ABCC8: variants seen among roughly 807,000 people sequenced by gnomAD.
ABCC8 encodes the protein ATP binding cassette subfamily C member 8.
ABCC8 carries 137 observed loss-of-function variants against 188.0 expected under a neutral mutation model. The ratio of observed to expected loss-of-function variants is 0.73; its 90% CI spans 0.63 to 0.84. The LOEUF (loss-of-function observed/expected upper bound fraction) is 0.84, where lower values mean the gene tolerates loss of function less well. Among genes scored for constraint, ABCC8 ranks in the 40% least tolerant of loss-of-function variants. The probability of loss-of-function intolerance (pLI) is 0.00; values close to 1 mark genes in which losing one functional copy is unlikely to be tolerated. For synonymous variants in ABCC8, 797 were observed against 846.5 expected (o/e 0.94, Z 1.01); for missense variants, 1,750 against 2,072.7 (o/e 0.84, Z 3.02).
chr11:17,396,101 G>A, intron 33 of ABCC8, 171 bp from the exon 34 acceptor site: 4 of 1,438,722 alleles, frequency 2.8e-6, no homozygotes, highest in Non-Finnish European at 3.7e-6. Flanking sequence ...GTTTCCTGCA[G>A]TGGGTCCAGA....
At chr11:17,432,085 G>A (rs1278311216) in intron 11 of ABCC8, 119 bp downstream of exon 11, 1 of 1,340,224 alleles carries the variant, frequency 7.5e-7, no homozygotes. Context: ...TTTTCAGTCT[G>A]GCTGTGGAGC....
intron 11 of ABCC8, 42 bp downstream of exon 11, chr11:17,432,162 C>G (rs1486735023): frequency 2.6e-6 from 4 of 1,551,448 alleles, no homozygotes; most frequent in Admixed American, 2.0e-5. Context: ...ACGCCCTCCC[C>G]CTCCACCCTA....
At chr11:17,460,346 T>G in intron 6 of ABCC8, 142 bp downstream of exon 6, 1 of 1,306,268 alleles carries the variant, frequency 7.7e-7, no homozygotes, top group Non-Finnish European at 1.1e-6. Context: ...TATTCTGTGG[T>G]GGGGATACTG....
At chr11:17,436,195 C>T in intron 10 of ABCC8, 1 of 706,960 alleles carries the variant, frequency 1.4e-6, no homozygotes, top group South Asian at 1.4e-5. Flanking sequence ...GGGTTCTGGT[C>T]TGGATGGAAG....
chr11:17,393,763 C>T lies in ABCC8; in HGVS notation c.4546-4G>A, dbSNP rs770984647. On this transcript the variant is annotated splice_region_variant and splice_polypyrimidine_tract_variant and intron_variant, in intron 37 of 38. Transcript: ENST00000389817. ...CCACCTTTTGGAGGATGTTTTCCTG[C>T]CAAGTGGGGGCAACAGCTGTTGGCT... The T allele has an allele frequency of 2.0e-5, 32 of 1,613,980 alleles. No individual in the cohort carries two copies. The East Asian group carries it at 6.2e-4, about 31-fold the overall frequency.
At position 17,427,593 on chromosome 11, in the gene ABCC8, A is replaced by G. The variant is rs376706487; in HGVS notation, c.2116+274T>C. Among the ~76,000 whole-genome samples the G allele has an allele frequency of 4.5e-4, 68 of 152,188 alleles. No homozygotes were observed. The Middle Eastern group carries it at 0.014, about 30-fold the overall frequency. Reference sequence around the variant, plus strand: ...TCACTTCCACTTGCGTTCCTTGGCTACCCACTTCTGATCTTTTTGTGCATT... The same window carrying G: ...TCACTTCCACTTGCGTTCCTTGGCTGCCCACTTCTGATCTTTTTGTGCATT... On this transcript the variant is annotated intron_variant, in intron 15 of 38. Coordinates refer to ENST00000389817, the MANE Select transcript of ABCC8 (RefSeq NM_000352.6). This position sits in a 1 kb window ranked among gnomAD's most constrained non-coding sequence, Gnocchi z 5.0.
At chr11:17,476,554 G>T in intron 1 of ABCC8, 75 bp downstream of exon 1, 3 of 1,539,888 alleles carry the variant, frequency 1.9e-6, no homozygotes, top group Admixed American at 3.8e-5. Flanking sequence ...GACGCCGAGC[G>T]GTGCGGCGCG....
intron 38 of ABCC8, 51 bp downstream of exon 38, chr11:17,393,646 G>T: frequency 6.2e-7 from 1 of 1,612,598 alleles, no homozygotes; most frequent in Non-Finnish European, 8.5e-7. Flanking sequence ...GCCACAACAG[G>T]CCAGTCCTGT....
chr11:17,471,805 T>C (rs1056511994), intron 2 of ABCC8, among the ~76,000 whole-genome samples: 1 of 152,198 alleles, frequency 6.6e-6, no homozygotes, highest in African/African-American at 2.4e-5. Context: ...AAAACATCAA[T>C]AAGCATCAAA....
chr11:17,434,980 T>C (rs1049173269), intron 10 of ABCC8, among the ~76,000 whole-genome samples: 1 of 124,346 alleles, frequency 8.0e-6, no homozygotes. Flanking sequence ...GCTGCGTGTG[T>C]TCGCGTGTGT....
downstream of ABCC8, chr11:17,392,688 A>G (rs1953691930): frequency 2.3e-6 from 1 of 427,372 alleles, no homozygotes; most frequent in Non-Finnish European, 4.4e-6. Context: ...CAGAACTGTG[A>G]GAAAAAAGTC....
At chr11:17,406,374 C>T (rs1369288833) in intron 26 of ABCC8, 2 of 568,458 alleles carry the variant, frequency 3.5e-6, no homozygotes, top group East Asian at 2.9e-5. Context: ...CAGACGCTCA[C>T]TTTAAAGGGC....
chr11:17,402,576 G>T, intron 29 of ABCC8, 85 bp downstream of exon 29: 1 of 1,612,790 alleles, frequency 6.2e-7, no homozygotes, highest in Non-Finnish European at 8.5e-7. Context: ...TTCCCAAGTG[G>T]AGTCCTGAGA....
At chr11:17,415,447 C>G in intron 17 of ABCC8, 108 bp from the exon 18 acceptor site, 2 of 1,548,028 alleles carry the variant, frequency 1.3e-6, no homozygotes, top group South Asian at 2.4e-5. Context: ...TTTACAATCC[C>G]CTGGACCCAG....
At chr11:17,460,789 T>A in intron 5 of ABCC8, 113 bp from the exon 6 acceptor site, 1 of 1,544,750 alleles carries the variant, frequency 6.5e-7, no homozygotes, top group Non-Finnish European at 8.7e-7. Flanking sequence ...AGTGGTCACA[T>A]CCTCTGCAAA....
Position 17,404,743 on chromosome 11 carries a change from G to A in ABCC8, c.3400-74C>T, listed in dbSNP as rs980039591. The A allele has an allele frequency of 1.3e-6, 2 of 1,543,554 alleles. No homozygotes were observed. The highest frequency in any genetic ancestry group is 2.0e-5 in the Admixed American group (1 of 51,038). On this transcript the variant is annotated intron_variant, in intron 27 of 38. Transcript: ENST00000389817. The surrounding 1 kb of genome is among the most constrained non-coding windows in gnomAD (Gnocchi z 4.7). ...TGTTTAGAGTGCTACTGGCCGCCAT[G>A]TTTTGCTCTCACTTTATTTTTTGAT...
intron 10 of ABCC8, among the ~76,000 whole-genome samples, chr11:17,437,187 C>T (rs544665507): frequency 1.4e-4 from 20 of 141,836 alleles, no homozygotes; most frequent in South Asian, 2.2e-4. Flanking sequence ...CTGGGGACTA[C>T]GGTAGTAAAT....
intron 28 of ABCC8, among the ~76,000 whole-genome samples, chr11:17,403,564 A>G (rs1954356292): frequency 6.6e-6 from 1 of 152,178 alleles, no homozygotes. Flanking sequence ...GGGGCAGGTA[A>G]TTGTGTCCAA....
At position 17,406,923 on chromosome 11, in the gene ABCC8, G is replaced by GCAGTTCCT. The variant is rs766033867; in HGVS notation, c.3126_3127insAGGAACTG (p.Leu1043ArgfsTer4). ...GAGCAGTTCCTGGCTGCAGGGGTCA[G>GCAGTTCCT]GGTCAGGGCGCTGTCGGTCCACTTG... On this transcript the variant is annotated frameshift_variant, in exon 25 of 39. Coordinates refer to ENST00000389817, the MANE Select transcript of ABCC8 (RefSeq NM_000352.6). LOFTEE classifies it high-confidence loss of function. The GCAGTTCCT allele has an allele frequency of 3.7e-6, 6 of 1,614,022 alleles. No homozygotes were observed. In the East Asian group the frequency reaches 8.9e-5, roughly 24 times the overall value.
Sources: allele counts gnomAD v4.1 joint callset (sites outside exome capture counted in the v4.1 genomes callset), GRCh38; gene constraint gnomAD v4.1.1; non-coding constraint Gnocchi (gnomAD v3.1); transcripts MANE v1.5; gene names NCBI Gene and HGNC (gene_info 2026-07-23, HGNC 2026-07-21).